Variants in KDM4C observed in about 807,000 individuals in gnomAD.
The protein encoded by KDM4C is lysine-specific demethylase 4C.
Under a neutral mutation model 129.3 loss-of-function variants are expected in KDM4C, and 81 were observed. The ratio of observed to expected loss-of-function variants is 0.63; its 90% CI spans 0.52 to 0.75. The LOEUF is 0.75. KDM4C is among the 30% of genes least tolerant of loss of function. The probability of loss-of-function intolerance (pLI) is 0.00; values close to 1 mark genes in which losing one functional copy is unlikely to be tolerated. For synonymous variants in KDM4C, 573 were observed against 456.1 expected (o/e 1.26, Z -3.26); for missense variants, 1,457 against 1,304.0 (o/e 1.12, Z -1.81).
intron 17 of KDM4C, among the ~76,000 whole-genome samples, chr9:7,093,011 GT>G (rs1448652956): frequency 7.9e-5 from 12 of 152,136 alleles, no homozygotes; most frequent in Non-Finnish European, 1.8e-4. Flanking sequence ...ACTTTTAGAA[GT>G]TAACGTTCTC....
intron 19 of KDM4C, among the ~76,000 whole-genome samples, chr9:7,159,116 AT>A (rs1843506501): frequency 6.6e-6 from 1 of 151,738 alleles, no homozygotes; most frequent in South Asian, 2.1e-4. Flanking sequence ...GTCTCTTTTG[AT>A]TTTGTTGGTT....
At chr9:6,834,837 T>A in intron 4 of KDM4C, 2 of 1,380,618 alleles carry the variant, frequency 1.4e-6, no homozygotes, top group South Asian at 2.3e-5. Flanking sequence ...GAGACCTTCA[T>A]CACCCCAGCC....
chr9:6,974,713 A>G (rs2131736905), intron 8 of KDM4C: 1 of 152,288 alleles, frequency 6.6e-6, no homozygotes, highest in Non-Finnish European at 1.5e-5. Context: ...GTTTACAAGG[A>G]ATTTAGATCT....
At chr9:6,721,271 C>CT (rs1300448717) in intron 1 of KDM4C, 1,570 of 75,202 alleles carry the variant, frequency 0.021, 35 homozygotes, top group African/African-American at 0.039. Flanking sequence ...TTTAAATTAA[C>CT]TTTTTTTTTT....
chr9:6,892,210 T>C (rs1846200068), intron 7 of KDM4C, among the ~76,000 whole-genome samples: 1 of 152,208 alleles, frequency 6.6e-6, no homozygotes, highest in Non-Finnish European at 1.5e-5. Flanking sequence ...TATTGGGTGC[T>C]GCTGGGTTAG....
At chr9:6,775,297 G>C (rs182980478) in intron 1 of KDM4C, among the ~76,000 whole-genome samples, 1 of 151,340 alleles carries the variant, frequency 6.6e-6, no homozygotes, top group East Asian at 2.0e-4. Context: ...GATTACAGAC[G>C]TGAGCCATCC....
intron 8 of KDM4C, among the ~76,000 whole-genome samples, chr9:6,915,445 T>C (rs567680931): frequency 1.3e-5 from 2 of 152,242 alleles, no homozygotes; most frequent in Non-Finnish European, 2.9e-5. Context: ...TGCCTGCCAC[T>C]TTGAGGTTCG....
At chr9:6,813,143 C>G (rs1029012418) in intron 3 of KDM4C, among the ~76,000 whole-genome samples, 5 of 152,078 alleles carry the variant, frequency 3.3e-5, no homozygotes, top group Non-Finnish European at 7.4e-5. Context: ...CCGCTGTACT[C>G]CAGCCTGGGC....
At chr9:6,741,548 A>T (rs1164289022) in intron 1 of KDM4C, among the ~76,000 whole-genome samples, 1 of 152,036 alleles carries the variant, frequency 6.6e-6, no homozygotes, top group African/African-American at 2.4e-5. Flanking sequence ...CTTATATCTG[A>T]ACTTATGGCA....
At chr9:7,073,274 C>G (rs745945512) in intron 17 of KDM4C, among the ~76,000 whole-genome samples, 8 of 152,160 alleles carry the variant, frequency 5.3e-5, no homozygotes, top group Non-Finnish European at 1.0e-4. Context: ...GTTTCTATTG[C>G]TTTTTCATTG....
chr9:6,835,653 A>G (rs538791426), intron 4 of KDM4C: 1 of 754,836 alleles, frequency 1.3e-6, no homozygotes, highest in South Asian at 1.5e-5. Context: ...TGAGATTGGC[A>G]TGGCTTTATT....
intron 17 of KDM4C, among the ~76,000 whole-genome samples, chr9:7,089,852 C>G (rs1032721931): frequency 3.3e-5 from 5 of 152,312 alleles, no homozygotes; most frequent in East Asian, 1.9e-4. Context: ...TTGGTGGGTG[C>G]TGCTTTGCTA....
intron 5 of KDM4C, among the ~76,000 whole-genome samples, chr9:6,873,876 C>T (rs964851574): frequency 6.6e-6 from 1 of 151,480 alleles, no homozygotes; most frequent in Non-Finnish European, 1.5e-5. Context: ...AGGCATGGAG[C>T]TCTTCTTTTT....
chr9:6,977,399 C>T (rs1212680520), intron 8 of KDM4C, among the ~76,000 whole-genome samples: 3 of 151,948 alleles, frequency 2.0e-5, no homozygotes, highest in African/African-American at 7.3e-5. Flanking sequence ...CAACTTTTTC[C>T]CAGTATGTTC....
intron 8 of KDM4C, among the ~76,000 whole-genome samples, chr9:6,974,057 T>G (rs1832502417): frequency 6.6e-6 from 1 of 152,180 alleles, no homozygotes; most frequent in Non-Finnish European, 1.5e-5. Context: ...ATACTGAATC[T>G]CACATCACTT....
intron 8 of KDM4C, among the ~76,000 whole-genome samples, chr9:6,924,091 A>G (rs1201825047): frequency 6.6e-6 from 1 of 152,210 alleles, no homozygotes; most frequent in African/African-American, 2.4e-5. Context: ...GTAATCCAGA[A>G]TCCTTTTTCT....
chr9:7,162,755 G>T (rs957546497), intron 19 of KDM4C, among the ~76,000 whole-genome samples: 2 of 152,046 alleles, frequency 1.3e-5, no homozygotes, highest in African/African-American at 4.8e-5. Context: ...AGAAGGGGAG[G>T]CCGTAACTCT....
In KDM4C at chr9:6,959,603, A is replaced by G. The variant is rs575599408; in HGVS notation, c.922-21322A>G. On this transcript the variant is annotated intron_variant, in intron 8 of 21. Coordinates refer to ENST00000381309, the MANE Select transcript of KDM4C (RefSeq NM_015061.6). ...ACTGAGGAAGTTTGTATCTACTGTC[A>G]TTCTATAGATTTGTTTCAATTTAAG... 8.5e-5 allele frequency among the ~76,000 whole-genome samples: 13 copies of G among 152,294 alleles called. No individual in the cohort carries two copies. In the South Asian group the frequency reaches 1.2e-3, roughly 15 times the overall value.
At chr9:7,143,899 A>G (rs1841989443) in intron 19 of KDM4C, among the ~76,000 whole-genome samples, 1 of 152,194 alleles carries the variant, frequency 6.6e-6, no homozygotes, top group African/African-American at 2.4e-5. Context: ...AATGAGCATG[A>G]TTGGTTAACT....
Sources: allele counts gnomAD v4.1 joint callset (sites outside exome capture counted in the v4.1 genomes callset), GRCh38; gene constraint gnomAD v4.1.1; transcripts MANE v1.5; gene names NCBI Gene and HGNC (gene_info 2026-07-23, HGNC 2026-07-21).